Variants in DLX1 observed in about 807,000 individuals in gnomAD.
DLX1 encodes the protein homeobox protein DLX-1.
DLX1 carries 7 observed loss-of-function variants against 25.0 expected under a neutral mutation model. The observed-to-expected ratio is 0.28, with a 90% confidence interval of 0.16 to 0.52. The LOEUF is 0.52. DLX1 is among the 20% of genes least tolerant of loss of function. The probability of loss-of-function intolerance (pLI) is 0.96; values close to 1 mark genes in which losing one functional copy is unlikely to be tolerated. For missense variants in DLX1, 233 were observed against 334.4 expected (o/e 0.70, Z 2.37); for synonymous variants, 155 against 140.3 (o/e 1.10, Z -0.74).
At position 172,088,269 on chromosome 2, in the gene DLX1, C is replaced by A. The variant is rs745825806; in HGVS notation, c.*12C>A. 12 of 1,448,930 alleles carry A rather than the reference C, an allele frequency of 8.3e-6. No individual in the cohort carries two copies. The Admixed American group carries it at 1.2e-4, about 15-fold the overall frequency. The allele number at this position is 1,448,930 out of a possible 1,614,324, so 89.8% of individuals were successfully genotyped here. A position where few individuals can be genotyped will look rare whatever the true frequency, so the allele number is the denominator to read the frequency against. ...CCCAACTTATGTGAGGTTGCCCGCCCGTCTCCTTCTTGTCTCCCCGGCCCA... is the reference window on the plus strand; with the variant it reads ...CCCAACTTATGTGAGGTTGCCCGCCAGTCTCCTTCTTGTCTCCCCGGCCCA... On this transcript the variant is annotated 3_prime_UTR_variant, in exon 3 of 3. Transcript: ENST00000361725.
At chr2:172,087,418 C>A (rs1044730913) in intron 2 of DLX1, 1 of 403,406 alleles carries the variant, frequency 2.5e-6, no homozygotes, top group Non-Finnish European at 5.0e-6. Context: ...CGCGGGTTTC[C>A]GACGTCCGGT....
Position 172,085,618 on chromosome 2 carries a change from G to C in DLX1, c.-60G>C. 4 of 1,534,588 alleles carry C rather than the reference G, an allele frequency of 2.6e-6. No homozygotes were observed. In the African/African-American group the frequency reaches 4.1e-5, roughly 16 times the overall value. On this transcript the variant is annotated 5_prime_UTR_variant, in exon 1 of 3. Coordinates refer to ENST00000361725, the MANE Select transcript of DLX1 (RefSeq NM_178120.5). This position sits in a 1 kb window ranked among gnomAD's most constrained non-coding sequence, Gnocchi z 4.3. ...GTTCCTTCCTGTCCTGAGAAACATA[G>C]AGACCCCCAAAAGGGAAGCAGAGGA...
chr2:172,088,262 G>A lies in DLX1; in HGVS notation c.*5G>A. On this transcript the variant is annotated 3_prime_UTR_variant, in exon 3 of 3. Coordinates refer to ENST00000361725, the MANE Select transcript of DLX1 (RefSeq NM_178120.5). Reference sequence around the variant, plus strand: ...CAGCAACCCCAACTTATGTGAGGTTGCCCGCCCGTCTCCTTCTTGTCTCCC... The same window carrying A: ...CAGCAACCCCAACTTATGTGAGGTTACCCGCCCGTCTCCTTCTTGTCTCCC... 1.4e-6 allele frequency: 2 copies of A among 1,457,894 alleles called. No individual in the cohort carries two copies. Among genetic ancestry groups the A allele is most frequent in the Non-Finnish European group, 1.8e-6 (2 of 1,096,210 alleles). The allele number at this position is 1,457,894 out of a possible 1,614,324, so 90.3% of individuals were successfully genotyped here.
At chr2:172,087,540 C>T in intron 2 of DLX1, 1 of 461,200 alleles carries the variant, frequency 2.2e-6, no homozygotes, top group South Asian at 1.5e-5. Flanking sequence ...CGTCCCAACT[C>T]AAGGGCAGAA....
intron 1 of DLX1, 34 bp downstream of exon 1, chr2:172,086,024 AG>A (rs771009325): frequency 7.3e-7 from 1 of 1,370,000 alleles, no homozygotes; most frequent in Admixed American, 2.0e-5. Context: ...GGAGAGGAGG[AG>A]GTACAAGGGA....
At position 172,086,005 on chromosome 2, in the gene DLX1, C is replaced by CAGGGAG. The variant is rs1441969769; in HGVS notation, c.313+25_313+30dup. 2.5e-6 allele frequency: 4 copies of CAGGGAG among 1,597,696 alleles called. No individual in the cohort carries two copies. The highest frequency in any genetic ancestry group is 1.7e-5 in the Admixed American group (1 of 58,736). ...GGAGGACCCAGGTACGTGCGCTTGC[C>CAGGGAG]AGGGAGAGGGAGAGGAGGAGGTACA... On this transcript the variant is annotated intron_variant, in intron 1 of 2. Coordinates refer to ENST00000361725, the MANE Select transcript of DLX1 (RefSeq NM_178120.5).
chr2:172,086,184 T>G (rs1441997658), intron 1 of DLX1, 194 bp downstream of exon 1: 1 of 613,676 alleles, frequency 1.6e-6, no homozygotes, highest in Admixed American at 3.2e-5. Flanking sequence ...AGCAAATAAA[T>G]TTTTTTAAAA....
Position 172,088,764 on chromosome 2 carries a change from A to G in DLX1, c.*507A>G, listed in dbSNP as rs1307755515. 1 of 152,836 alleles carries G rather than the reference A, an allele frequency of 6.5e-6. No individual in the cohort carries two copies. The highest frequency in any genetic ancestry group is 1.5e-5 in the Non-Finnish European group (1 of 68,224). 9.5% of individuals were successfully genotyped at this position (152,836 alleles called of 1,614,324 possible). A position where few individuals can be genotyped will look rare whatever the true frequency, so the allele number is the denominator to read the frequency against. On this transcript the variant is annotated 3_prime_UTR_variant, in exon 3 of 3. Coordinates refer to ENST00000361725, the MANE Select transcript of DLX1 (RefSeq NM_178120.5). ...CGGCCCGGGTCCTGCCGGGCTGACC[A>G]TCTCCGGATCCTGGGACACTCTGCC...
intron 2 of DLX1, chr2:172,087,281 T>TG (rs143879799): frequency 2.9e-5 from 11 of 377,676 alleles, no homozygotes; most frequent in Middle Eastern, 9.0e-4. Context: ...CGGTTGGGGG[T>TG]GGGGGGAGAT....
intron 1 of DLX1, 111 bp downstream of exon 1, chr2:172,086,101 C>A (rs1317870643): frequency 1.5e-4 from 5 of 34,042 alleles, no homozygotes; most frequent in East Asian, 8.1e-4. Context: ...GAGAGGAGAG[C>A]GAGGTGGGGT....
rs1363635684 is a variant in DLX1 at position 172,086,859 on chromosome 2, T to C, written c.513+6T>C. On this transcript the variant is annotated splice_donor_region_variant and intron_variant, in intron 2 of 2. Coordinates refer to ENST00000361725, the MANE Select transcript of DLX1 (RefSeq NM_178120.5). The stretch of plus-strand genomic sequence containing the variant: ...TGGGACTCACACAGACTCAGGTACC[T>C]CGCCGCTGCCGCTCCGTTCTGCCAC... The C allele has an allele frequency of 6.2e-7, 1 of 1,614,154 alleles. No individual in the cohort carries two copies. The highest frequency in any genetic ancestry group is 8.5e-7 in the Non-Finnish European group (1 of 1,180,002).
At position 172,086,664 on chromosome 2, in the gene DLX1, G is replaced by C. The variant is rs749213811; in HGVS notation, c.324G>C (p.Ser108=). 6.5e-7 allele frequency: 1 copy of C among 1,532,102 alleles called. No individual in the cohort carries two copies. The highest frequency in any genetic ancestry group is 1.3e-5 in the South Asian group (1 of 77,564). The allele number at this position is 1,532,102 out of a possible 1,614,324, so 94.9% of individuals were successfully genotyped here. The part of the protein sequence containing the change: ...QSRLEDPGAD[S]EKSTVVEGGE... ...CTGCTGTCCCTCCAGGGGCGGACTC[G>C]GAGAAGAGCACGGTGGTGGAAGGCG... The change falls in exon 2 of 3, where the codon TCG becomes TCC. Residue 108 remains serine, a synonymous_variant. Coordinates refer to ENST00000361725, the MANE Select transcript of DLX1 (RefSeq NM_178120.5).
rs1690843976 is a variant in DLX1, at chr2:172,086,654, G to A, written c.314G>A (p.Gly105Glu). The part of the protein sequence containing the change: ...SLAQSRLEDP[G>E]ADSEKSTVVE... ...GGCCCTACTTCTGCTGTCCCTCCAG[G>A]GGCGGACTCGGAGAAGAGCACGGTG... The change falls in exon 2 of 3, where the codon GGG becomes GAG. Residue 105 changes from glycine to glutamate, a missense_variant and splice_region_variant. Coordinates refer to ENST00000361725, the MANE Select transcript of DLX1 (RefSeq NM_178120.5). The A allele has an allele frequency of 6.5e-7, 1 of 1,529,914 alleles. No individual in the cohort carries two copies. 94.8% of individuals were successfully genotyped at this position (1,529,914 alleles called of 1,614,324 possible). A position where few individuals can be genotyped will look rare whatever the true frequency, so the allele number is the denominator to read the frequency against.
intron 2 of DLX1, chr2:172,087,297 C>T (rs562366522): frequency 1.6e-4 from 58 of 372,942 alleles, no homozygotes; most frequent in Admixed American, 2.8e-4. Flanking sequence ...GAGATCCTTT[C>T]CTCCGCCCTC....
At position 172,086,672 on chromosome 2, in the gene DLX1, G is replaced by A; in HGVS notation, c.332G>A (p.Ser111Asn). 6.5e-7 allele frequency: 1 copy of A among 1,544,810 alleles called. No individual in the cohort carries two copies. Among genetic ancestry groups the A allele is most frequent in the Non-Finnish European group, 8.7e-7 (1 of 1,144,798 alleles). The change falls in exon 2 of 3, where the codon AGC (serine) becomes AAC (asparagine). Residue 111 changes from serine (S) to asparagine (N), a missense_variant. Physicochemically the swap from Ser to Asn is conservative, Grantham distance 46 (BLOSUM62 1). Coordinates refer to ENST00000361725, the MANE Select transcript of DLX1 (RefSeq NM_178120.5). ...LEDPGADSEK[S>N]TVVEGGEVRF... ...CCTCCAGGGGCGGACTCGGAGAAGAGCACGGTGGTGGAAGGCGGTGAAGTG... is the reference window on the plus strand; with the variant it reads ...CCTCCAGGGGCGGACTCGGAGAAGAACACGGTGGTGGAAGGCGGTGAAGTG...
chr2:172,086,003 G>T lies in DLX1; in HGVS notation c.313+13G>T. 8.7e-6 allele frequency: 14 copies of T among 1,603,752 alleles called. No individual in the cohort carries two copies. Among genetic ancestry groups the T allele is most frequent in the Non-Finnish European group, 1.2e-5 (14 of 1,173,604 alleles). ...CTGGAGGACCCAGGTACGTGCGCTT[G>T]CCAGGGAGAGGGAGAGGAGGAGGTA... is the stretch of plus-strand genomic sequence containing the variant. On this transcript the variant is annotated intron_variant, in intron 1 of 2. Transcript: ENST00000361725.
In DLX1 at chr2:172,088,058, G is replaced by A; in HGVS notation, c.569G>A (p.Gly190Asp). The change falls in exon 3 of 3, where the codon GGT becomes GAT. Residue 190 changes from glycine to aspartate, a missense_variant. Coordinates refer to ENST00000361725, the MANE Select transcript of DLX1 (RefSeq NM_178120.5). ...RSKFKKLMKQ[G>D]GAALEGSALA... ...AAGTTCAAGAAGCTGATGAAGCAGG[G>A]TGGGGCGGCTCTGGAGGGTAGTGCG... The A allele has an allele frequency of 6.4e-7, 1 of 1,550,594 alleles. No individual in the cohort carries two copies. Among genetic ancestry groups the A allele is most frequent in the South Asian group, 1.2e-5 (1 of 82,708 alleles).
chr2:172,088,304 C>G lies in DLX1; in HGVS notation c.*47C>G. On this transcript the variant is annotated 3_prime_UTR_variant, in exon 3 of 3. Transcript: ENST00000361725. Reference sequence around the variant, plus strand: ...TTGTCTCCCCGGCCCAGGTCCCTCCCGCCTCCAGGTCCATCCATCCCGTCC... The same window carrying G: ...TTGTCTCCCCGGCCCAGGTCCCTCCGGCCTCCAGGTCCATCCATCCCGTCC... The G allele has an allele frequency of 1.4e-6, 2 of 1,415,896 alleles. No individual in the cohort carries two copies. Among genetic ancestry groups the G allele is most frequent in the Non-Finnish European group, 1.9e-6 (2 of 1,077,120 alleles). The allele number at this position is 1,415,896 out of a possible 1,614,324, so 87.7% of individuals were successfully genotyped here.
chr2:172,087,105 G>T, intron 2 of DLX1: 1 of 697,316 alleles, frequency 1.4e-6, no homozygotes. Context: ...TAGGGCGCAG[G>T]AAGGATTTCC....
Sources: gnomAD v4.1 joint callset for allele counts on GRCh38, gnomAD v4.1.1 for gene constraint, Gnocchi (gnomAD v3.1) non-coding constraint, MANE v1.5 for transcripts, NCBI Gene and HGNC (gene_info 2026-07-23, HGNC 2026-07-21) for gene names.